The following PPP2CB variants were observed in gnomAD, a reference collection of about 807,000 sequenced individuals.
The protein encoded by PPP2CB is protein phosphatase 2 catalytic subunit beta.
Under a neutral mutation model 39.1 loss-of-function variants are expected in PPP2CB, and 18 were observed. The observed-to-expected ratio is 0.46, with a 90% CI of 0.32 to 0.68. PPP2CB has a LOEUF of 0.68. PPP2CB is among the 30% of genes least tolerant of loss of function. PPP2CB has a pLI of 0.04. For missense variants in PPP2CB, 226 were observed against 396.9 expected (o/e 0.57, Z 3.66); for synonymous variants, 129 against 133.8 (o/e 0.96, Z 0.25).
intron 6 of PPP2CB, among the ~76,000 whole-genome samples, chr8:30,789,366 T>C (rs1292226082): frequency 6.6e-6 from 1 of 152,220 alleles, no homozygotes; most frequent in Non-Finnish European, 1.5e-5. Flanking sequence ...GCCTGGCTAC[T>C]GAGGGGCTGT....
Position 30,786,014 on chromosome 8 carries a change from T to G in PPP2CB, c.*221A>C. The G allele has an allele frequency of 1.5e-6, 1 of 655,484 alleles. No individual in the cohort carries two copies. Among genetic ancestry groups the G allele is most frequent in the Non-Finnish European group, 2.8e-6 (1 of 358,524 alleles). 40.6% of individuals were successfully genotyped at this position (655,484 alleles called of 1,614,324 possible). A position where few individuals can be genotyped will look rare whatever the true frequency, so the allele number is the denominator to read the frequency against. On this transcript the variant is annotated 3_prime_UTR_variant, in exon 7 of 7. Coordinates refer to ENST00000221138, the MANE Select transcript of PPP2CB (RefSeq NM_001009552.2). ...ACTATAAATACAGCAGGCAAACTGTTAGACTGACCTAGAACATAGTGTACT... is the reference window on the plus strand; with the variant it reads ...ACTATAAATACAGCAGGCAAACTGTGAGACTGACCTAGAACATAGTGTACT...
At chr8:30,805,509 G>A (rs140827990) in intron 1 of PPP2CB, among the ~76,000 whole-genome samples, 98 of 152,142 alleles carry the variant, frequency 6.4e-4, no homozygotes, top group African/African-American at 2.2e-3. Context: ...GCAGTGAACC[G>A]AGATGGCACC....
chr8:30,809,273 G>C (rs892290676), intron 1 of PPP2CB, among the ~76,000 whole-genome samples: 3 of 152,040 alleles, frequency 2.0e-5, no homozygotes, highest in Non-Finnish European at 2.9e-5. Flanking sequence ...TATTATCTCT[G>C]TCATAAGGAA....
chr8:30,788,941 T>C (rs1465689292), intron 6 of PPP2CB, among the ~76,000 whole-genome samples: 1 of 152,234 alleles, frequency 6.6e-6, no homozygotes, highest in African/African-American at 2.4e-5. Flanking sequence ...GGACTGATCT[T>C]GTCTTTTTGG....
rs1237853151 is a variant in PPP2CB, at chr8:30,812,471, TC to T, written c.-51del. On this transcript the variant is annotated 5_prime_UTR_variant, in exon 1 of 7. Coordinates refer to ENST00000221138, the MANE Select transcript of PPP2CB (RefSeq NM_001009552.2). ...CCGAGCCCCAGCCCGGCCGCCGCCC[TC>T]CCCCCTCCCCACCCGCCCCCGGCCC... 4 of 1,170,432 alleles carry T rather than the reference TC, an allele frequency of 3.4e-6. No homozygotes were observed. The highest frequency in any genetic ancestry group is 4.2e-5 in the East Asian group (1 of 23,564). The allele number at this position is 1,170,432 out of a possible 1,614,324, so 72.5% of individuals were successfully genotyped here.
rs1586119711 is a variant in PPP2CB at position 30,788,356 on chromosome 8, TG to T, written c.858-2050del. ...ATAGCTCATTGCAGCCTTGATCAAC[TG>T]GGCTCAAGTGATCCTCCATCTCAGC... On this transcript the variant is annotated intron_variant, in intron 6 of 6. Coordinates refer to ENST00000221138, the MANE Select transcript of PPP2CB (RefSeq NM_001009552.2). 2.0e-5 allele frequency among the ~76,000 whole-genome samples: 3 copies of T among 152,238 alleles called. No individual in the cohort carries two copies. The East Asian group carries it at 5.8e-4, about 29-fold the overall frequency.
At chr8:30,795,456 C>T (rs1348615516) in intron 3 of PPP2CB, among the ~76,000 whole-genome samples, 1 of 152,094 alleles carries the variant, frequency 6.6e-6, no homozygotes, top group African/African-American at 2.4e-5. Context: ...GTACAACTGG[C>T]GTTTCTTTAT....
intron 5 of PPP2CB, chr8:30,791,600 A>G (rs1389535009): frequency 9.3e-6 from 2 of 214,758 alleles, no homozygotes; most frequent in Admixed American, 5.8e-5. Context: ...CCACAATCAT[A>G]ATTAATTTCT....
At chr8:30,808,308 G>A (rs1418423468) in intron 1 of PPP2CB, among the ~76,000 whole-genome samples, 1 of 151,784 alleles carries the variant, frequency 6.6e-6, no homozygotes. Context: ...CATGTTGCCC[G>A]TGCTGGTCTC....
At chr8:30,788,679 A>C (rs950911480) in intron 6 of PPP2CB, among the ~76,000 whole-genome samples, 6 of 152,208 alleles carry the variant, frequency 3.9e-5, no homozygotes, top group Non-Finnish European at 8.8e-5. Context: ...ACTTGAGAGG[A>C]AAGTATTCTG....
At position 30,785,979 on chromosome 8, in the gene PPP2CB, GA is replaced by G; in HGVS notation, c.*255del. 1 of 610,628 alleles carries G rather than the reference GA, an allele frequency of 1.6e-6. No individual in the cohort carries two copies. The highest frequency in any genetic ancestry group is 3.0e-6 in the Non-Finnish European group (1 of 328,276). The allele number at this position is 610,628 out of a possible 1,614,324, so 37.8% of individuals were successfully genotyped here. On this transcript the variant is annotated 3_prime_UTR_variant, in exon 7 of 7. Transcript: ENST00000221138. ...CCTTTTTTGCTTGAACAGTCCAAAG[GA>G]AAATGGTTACTATAAATACAGCAGG... is the stretch of plus-strand genomic sequence containing the variant.
chr8:30,805,442 C>T (rs1749556768), intron 1 of PPP2CB, among the ~76,000 whole-genome samples: 1 of 152,028 alleles, frequency 6.6e-6, no homozygotes, highest in South Asian at 2.1e-4. Flanking sequence ...CACCTGTAGT[C>T]CCAGCTACTC....
intron 5 of PPP2CB, among the ~76,000 whole-genome samples, chr8:30,791,951 C>T (rs182759668): frequency 9.3e-4 from 132 of 142,370 alleles, no homozygotes; most frequent in African/African-American, 2.6e-3. Flanking sequence ...TGTATGTGTG[C>T]GCATATATGT....
intron 3 of PPP2CB, among the ~76,000 whole-genome samples, chr8:30,796,377 A>T (rs962158232): frequency 6.6e-6 from 1 of 151,992 alleles, no homozygotes; most frequent in Admixed American, 6.6e-5. Flanking sequence ...TATATGTTTT[A>T]TATTTATTTA....
intron 1 of PPP2CB, among the ~76,000 whole-genome samples, chr8:30,801,235 A>T (rs1160473925): frequency 6.6e-6 from 1 of 151,728 alleles, no homozygotes; most frequent in Admixed American, 6.6e-5. Flanking sequence ...AACACAGCAC[A>T]GTGAAAGTCA....
At chr8:30,797,176 T>C (rs1028033508) in intron 3 of PPP2CB, among the ~76,000 whole-genome samples, 3 of 152,132 alleles carry the variant, frequency 2.0e-5, no homozygotes, top group Non-Finnish European at 4.4e-5. Context: ...CAATATAACA[T>C]TTGCAGTTAC....
At chr8:30,786,434 C>A in intron 6 of PPP2CB, 127 bp from the exon 7 acceptor site, 2 of 706,136 alleles carry the variant, frequency 2.8e-6, no homozygotes, top group Non-Finnish European at 4.6e-6. Context: ...TCACTTACGG[C>A]TGGAATGGCC....
chr8:30,809,746 G>C (rs1430483104), intron 1 of PPP2CB, among the ~76,000 whole-genome samples: 1 of 152,122 alleles, frequency 6.6e-6, no homozygotes, highest in Non-Finnish European at 1.5e-5. Flanking sequence ...TTCGAGACCA[G>C]CCTGGGCAAC....
intron 3 of PPP2CB, chr8:30,794,506 C>A: frequency 2.2e-6 from 1 of 451,878 alleles, no homozygotes; most frequent in East Asian, 3.9e-5. Context: ...CCCTCCCTTC[C>A]TTTTCTCTGG....
Sources: allele counts gnomAD v4.1 joint callset (sites outside exome capture counted in the v4.1 genomes callset), GRCh38; gene constraint gnomAD v4.1.1; transcripts MANE v1.5; gene names NCBI Gene and HGNC (gene_info 2026-07-23, HGNC 2026-07-21).